Variants in RBFOX1 observed in about 807,000 individuals in gnomAD.
RBFOX1 encodes RNA binding fox-1 homolog 1.
A neutral mutation model predicts 57.7 loss-of-function variants in RBFOX1; 8 were observed. The observed-to-expected ratio is 0.14, with a 90% CI of 0.08 to 0.25. The LOEUF (loss-of-function observed/expected upper bound fraction) is 0.25, where lower values mean the gene tolerates loss of function less well. Ranked by LOEUF, RBFOX1 falls within the 10% of genes least tolerant of loss-of-function variation. RBFOX1 has a pLI of 1.00. For synonymous variants in RBFOX1, 326 were observed against 222.4 expected, an observed-to-expected ratio of 1.47 and a Z score of -4.15; for missense variants, 611 against 548.5, an observed-to-expected ratio of 1.11 and a Z score of -1.14.
chr16:6,965,065 G>A (rs764283347), intron 3 of RBFOX1, among the ~76,000 whole-genome samples: 37 of 151,990 alleles, frequency 2.4e-4, no homozygotes, highest in Non-Finnish European at 3.5e-4. Flanking sequence ...GGAGTCTGGG[G>A]GTGGCAGTGT....
intron 4 of RBFOX1, among the ~76,000 whole-genome samples, chr16:7,307,207 C>T (rs904455348): frequency 1.3e-5 from 2 of 152,174 alleles, no homozygotes; most frequent in Non-Finnish European, 2.9e-5. Context: ...CACCGGCCAT[C>T]GAGTCTTCCC....
At chr16:7,202,985 A>T (rs1056501747) in intron 4 of RBFOX1, among the ~76,000 whole-genome samples, 2 of 152,200 alleles carry the variant, frequency 1.3e-5, no homozygotes, top group East Asian at 3.9e-4. Context: ...ATGGGATTTC[A>T]CCGTGTGAGC....
intron 2 of RBFOX1, among the ~76,000 whole-genome samples, chr16:6,563,300 C>T (rs1321969440): frequency 6.6e-6 from 1 of 152,186 alleles, no homozygotes; most frequent in African/African-American, 2.4e-5. Context: ...TGAACATTTA[C>T]TGAGAGCTTA....
chr16:6,883,975 G>C (rs1480657266), intron 3 of RBFOX1, among the ~76,000 whole-genome samples: 2 of 152,134 alleles, frequency 1.3e-5, no homozygotes, highest in Non-Finnish European at 2.9e-5. Flanking sequence ...AGAGGAGATG[G>C]GGAGATTGTG....
chr16:6,389,290 G>C (rs1386166490), intron 2 of RBFOX1, among the ~76,000 whole-genome samples: 1 of 152,200 alleles, frequency 6.6e-6, no homozygotes, highest in Non-Finnish European at 1.5e-5. Flanking sequence ...GATGCATACA[G>C]GACTCTGCAG....
At chr16:7,621,711 T>A (rs770444760) in intron 10 of RBFOX1, among the ~76,000 whole-genome samples, 34 of 152,228 alleles carry the variant, frequency 2.2e-4, no homozygotes, top group Non-Finnish European at 4.1e-4. Context: ...TCTGAAATAC[T>A]TAGTGCCAGC....
At chr16:7,168,033 G>A (rs890972552) in intron 4 of RBFOX1, among the ~76,000 whole-genome samples, 3 of 152,048 alleles carry the variant, frequency 2.0e-5, no homozygotes, top group African/African-American at 7.2e-5. Flanking sequence ...TATGAAGCAG[G>A]TTTTTTCCTC....
At chr16:6,304,429 A>G (rs926036160) in intron 1 of RBFOX1, among the ~76,000 whole-genome samples, 1 of 152,038 alleles carries the variant, frequency 6.6e-6, no homozygotes, top group Non-Finnish European at 1.5e-5. Flanking sequence ...TCTCACCTCC[A>G]TGGAACTGGT....
chr16:7,112,348 A>G lies in RBFOX1; in HGVS notation c.27+60250A>G, dbSNP rs1310040148. ...CTCCAAAGTATCTGGGACTACAGGC[A>G]CATGCCACCACACCTGGCTAATTTT... is the stretch of plus-strand genomic sequence containing the variant. On this transcript the variant is annotated intron_variant, in intron 4 of 15. Transcript: ENST00000550418. Among the ~76,000 whole-genome samples the G allele has an allele frequency of 2.0e-5, 3 of 149,636 alleles. No individual in the cohort carries two copies. In the East Asian group the frequency reaches 6.0e-4, roughly 30 times the overall value.
At chr16:7,231,021 A>C (rs1424229529) in intron 4 of RBFOX1, among the ~76,000 whole-genome samples, 2 of 152,084 alleles carry the variant, frequency 1.3e-5, no homozygotes, top group Admixed American at 6.6e-5. Context: ...CTGAACAAGC[A>C]CCTCTAGCCC....
intron 3 of RBFOX1, among the ~76,000 whole-genome samples, chr16:6,800,994 T>C (rs1207092916): frequency 6.6e-6 from 1 of 152,136 alleles, no homozygotes; most frequent in African/African-American, 2.4e-5. Flanking sequence ...TAAATGTTTG[T>C]TCAATAAATG....
intron 4 of RBFOX1, chr16:7,332,924 A>G: frequency 6.2e-7 from 1 of 1,602,750 alleles, no homozygotes. Flanking sequence ...AGTTCGGAAG[A>G]AGTTGGGTCT....
chr16:5,558,305 GC>G (rs1452882862), intron 2 of RBFOX1, among the ~76,000 whole-genome samples: 1 of 152,140 alleles, frequency 6.6e-6, no homozygotes, highest in Non-Finnish European at 1.5e-5. Flanking sequence ...CGCCTACTGG[GC>G]TTTGGGAGTT....
At chr16:6,209,904 G>A (rs575653869) in intron 1 of RBFOX1, among the ~76,000 whole-genome samples, 1 of 152,326 alleles carries the variant, frequency 6.6e-6, no homozygotes, top group South Asian at 2.1e-4. Flanking sequence ...TCCTGCTTAA[G>A]CATCTGCTGC....
chr16:7,050,324 G>T (rs2049589042), intron 3 of RBFOX1, among the ~76,000 whole-genome samples: 1 of 100,616 alleles, frequency 9.9e-6, no homozygotes, highest in Non-Finnish European at 2.4e-5. Flanking sequence ...GGAGTATAAT[G>T]GTGGGAACTC....
intron 1 of RBFOX1, among the ~76,000 whole-genome samples, chr16:6,308,848 C>G (rs1349464951): frequency 6.6e-6 from 1 of 152,082 alleles, no homozygotes; most frequent in Non-Finnish European, 1.5e-5. Context: ...AAAGTATTTC[C>G]CAACTATCAC....
At chr16:7,622,182 G>T (rs2059416653) in intron 10 of RBFOX1, among the ~76,000 whole-genome samples, 1 of 152,124 alleles carries the variant, frequency 6.6e-6, no homozygotes, top group Non-Finnish European at 1.5e-5. Flanking sequence ...CAGGAATCTG[G>T]TTGGTATGAC....
At chr16:6,941,182 C>G (rs1341591528) in intron 3 of RBFOX1, among the ~76,000 whole-genome samples, 2 of 151,790 alleles carry the variant, frequency 1.3e-5, no homozygotes, top group African/African-American at 4.8e-5. Flanking sequence ...GACTCTCATT[C>G]CATGCATACA....
intron 2 of RBFOX1, among the ~76,000 whole-genome samples, chr16:6,614,444 T>C (rs2098115252): frequency 6.6e-6 from 1 of 152,200 alleles, no homozygotes; most frequent in Admixed American, 6.5e-5. Context: ...AGACCTGCTT[T>C]TTCCTGCCCA....
Sources: allele counts gnomAD v4.1 joint callset (sites outside exome capture counted in the v4.1 genomes callset), GRCh38; gene constraint gnomAD v4.1.1; transcripts MANE v1.5; gene names NCBI Gene and HGNC (gene_info 2026-07-23, HGNC 2026-07-21).